Variants in VTI1A observed in about 807,000 individuals in gnomAD.
VTI1A encodes the protein vesicle transport through interaction with t-SNAREs 1A.
In VTI1A, 22 loss-of-function variants were observed where a neutral mutation model predicts 34.9. The observed-to-expected ratio is 0.63, with a 90% confidence interval of 0.45 to 0.90. The LOEUF (loss-of-function observed/expected upper bound fraction) is 0.90, where lower values mean the gene tolerates loss of function less well. VTI1A is among the 40% of genes least tolerant of loss of function. The probability of loss-of-function intolerance (pLI) is 0.00; values close to 1 mark genes in which losing one functional copy is unlikely to be tolerated. For synonymous variants in VTI1A, 87 were observed against 97.3 expected, an observed-to-expected ratio of 0.89 and a Z score of 0.62; for missense variants, 268 against 275.6, an observed-to-expected ratio of 0.97 and a Z score of 0.20.
At chr10:112,736,390 C>T (rs1217063983) in intron 7 of VTI1A, among the ~76,000 whole-genome samples, 1 of 152,070 alleles carries the variant, frequency 6.6e-6, no homozygotes, top group Non-Finnish European at 1.5e-5. Context: ...GAACTACTCT[C>T]TCTAACCCTA....
intron 3 of VTI1A, among the ~76,000 whole-genome samples, chr10:112,493,817 C>T (rs1848919710): frequency 6.6e-6 from 1 of 152,034 alleles, no homozygotes. Context: ...ATAAATTTTA[C>T]TTTGTAATAG....
intron 7 of VTI1A, among the ~76,000 whole-genome samples, chr10:112,677,277 C>T (rs1452378310): frequency 1.3e-5 from 2 of 152,162 alleles, no homozygotes; most frequent in Non-Finnish European, 2.9e-5. Context: ...TTTGTCTATA[C>T]TCTGGGTCTC....
chr10:112,773,915 A>G (rs1481329193), intron 7 of VTI1A, among the ~76,000 whole-genome samples: 1 of 152,210 alleles, frequency 6.6e-6, no homozygotes, highest in Non-Finnish European at 1.5e-5. Flanking sequence ...ACAGGGCACA[A>G]TAACTAATGA....
chr10:112,515,742 CAATT>C (rs555732467), intron 3 of VTI1A, among the ~76,000 whole-genome samples: 44 of 152,130 alleles, frequency 2.9e-4, no homozygotes, highest in African/African-American at 1.1e-3. Flanking sequence ...CCTCAGATAA[CAATT>C]AATTCCTTTT....
chr10:112,455,752 C>G (rs889029042), intron 1 of VTI1A, among the ~76,000 whole-genome samples: 1 of 150,280 alleles, frequency 6.7e-6, no homozygotes, highest in African/African-American at 2.5e-5. Context: ...ATGAGGAACA[C>G]TATAAGGACC....
intron 5 of VTI1A, among the ~76,000 whole-genome samples, chr10:112,638,358 A>C (rs1294608415): frequency 6.6e-6 from 1 of 152,254 alleles, no homozygotes. Flanking sequence ...AATGTTCAAA[A>C]GAAGAGAGAA....
intron 7 of VTI1A, among the ~76,000 whole-genome samples, chr10:112,688,902 GTTA>G: frequency 6.6e-6 from 1 of 152,098 alleles, no homozygotes; most frequent in East Asian, 1.9e-4. Flanking sequence ...TAAAAATCAA[GTTA>G]TTATGACATA....
chr10:112,779,605 G>A (rs1564922189), intron 7 of VTI1A, among the ~76,000 whole-genome samples: 1 of 152,180 alleles, frequency 6.6e-6, no homozygotes, highest in Non-Finnish European at 1.5e-5. Flanking sequence ...TCTTTGCTCT[G>A]TTAGCACATG....
intron 7 of VTI1A, among the ~76,000 whole-genome samples, chr10:112,753,598 G>C (rs1280677753): frequency 1.3e-5 from 2 of 152,274 alleles, no homozygotes; most frequent in East Asian, 1.9e-4. Context: ...GCCATTCGGA[G>C]ATATAATTTG....
intron 3 of VTI1A, among the ~76,000 whole-genome samples, chr10:112,499,260 A>G (rs1235805320): frequency 6.6e-6 from 1 of 152,056 alleles, no homozygotes; most frequent in Non-Finnish European, 1.5e-5. Context: ...TCCAGCTTTT[A>G]TCTTACTTGT....
intron 5 of VTI1A, among the ~76,000 whole-genome samples, chr10:112,595,301 A>C (rs2134448310): frequency 6.7e-6 from 1 of 149,672 alleles, no homozygotes; most frequent in South Asian, 2.1e-4. Context: ...AAAAGCCAAA[A>C]TTGACAAATG....
At chr10:112,632,533 A>T (rs1846169494) in intron 5 of VTI1A, among the ~76,000 whole-genome samples, 1 of 152,174 alleles carries the variant, frequency 6.6e-6, no homozygotes, top group Non-Finnish European at 1.5e-5. Flanking sequence ...TGCCCCACTT[A>T]CTCAAGCATC....
intron 5 of VTI1A, among the ~76,000 whole-genome samples, chr10:112,628,086 T>C (rs1019226360): frequency 6.6e-6 from 1 of 152,168 alleles, no homozygotes; most frequent in African/African-American, 2.4e-5. Context: ...ACATATACTG[T>C]CCTGTACCTT....
intron 5 of VTI1A, among the ~76,000 whole-genome samples, chr10:112,609,433 G>A (rs111425597): frequency 1.2e-4 from 18 of 152,212 alleles, no homozygotes; most frequent in African/African-American, 4.3e-4. Context: ...GAGGATGGGG[G>A]AATAATTTGA....
At chr10:112,741,092 A>T (rs7096588) in intron 7 of VTI1A, among the ~76,000 whole-genome samples, 1 of 152,138 alleles carries the variant, frequency 6.6e-6, no homozygotes, top group East Asian at 1.9e-4. Flanking sequence ...AATGTCTGGA[A>T]TAACTAATCT....
intron 7 of VTI1A, among the ~76,000 whole-genome samples, chr10:112,751,276 G>A (rs116721503): frequency 0.018 from 2,745 of 152,226 alleles, 85 homozygotes; most frequent in African/African-American, 0.063. Flanking sequence ...GGAATGTGGT[G>A]TGTGTTTTAG....
intron 5 of VTI1A, among the ~76,000 whole-genome samples, chr10:112,547,269 G>T (rs1362767021): frequency 6.6e-6 from 1 of 152,028 alleles, no homozygotes; most frequent in Non-Finnish European, 1.5e-5. Context: ...AAGTAACAGG[G>T]TGAGCCCTTG....
the VTI1A span, among the ~76,000 whole-genome samples, chr10:112,829,251 G>T: frequency 0.8 from 121,428 of 151,924 alleles, 48,605 homozygotes; most frequent in South Asian, 0.84. Flanking sequence ...GAGACCATCC[G>T]GGCTAACACG....
intron 4 of VTI1A, among the ~76,000 whole-genome samples, chr10:112,531,111 ACGTGCGCGCGCGCGCATGAACCCT>A (rs1850421462): frequency 8.2e-6 from 1 of 121,360 alleles, no homozygotes; most frequent in Non-Finnish European, 1.8e-5. Flanking sequence ...ACACGTGCGC[ACGTGCGCGCGCGCGCATGAACCCT>A]CACATGCTCT....
Sources: allele counts gnomAD v4.1 joint callset (sites outside exome capture counted in the v4.1 genomes callset), GRCh38; gene constraint gnomAD v4.1.1; transcripts MANE v1.5; gene names NCBI Gene and HGNC (gene_info 2026-07-23, HGNC 2026-07-21).